Variants in FGF13 observed in about 807,000 individuals in gnomAD.
FGF13 encodes fibroblast growth factor 13.
In FGF13, 2 loss-of-function variants were observed where a neutral mutation model predicts 19.5. The ratio of observed to expected loss-of-function variants is 0.10; its 90% CI spans 0.04 to 0.32. The LOEUF is 0.32. Ranked by LOEUF, FGF13 falls within the 10% of genes least tolerant of loss-of-function variation. The pLI is 1.00. For missense variants in FGF13, 113 were observed against 192.7 expected, an observed-to-expected ratio of 0.59 and a Z score of 2.45; for synonymous variants, 72 against 76.9, an observed-to-expected ratio of 0.94 and a Z score of 0.33.
chrX:139,012,485 G>A (rs1009427854), intron 1 of FGF13, among the ~76,000 whole-genome samples: 1 of 111,414 alleles, frequency 9.0e-6, no homozygotes, highest in Non-Finnish European at 1.9e-5. Flanking sequence ...GCATGGCACT[G>A]GTATAAAAAT....
At chrX:138,998,042 G>A (rs921122374) in intron 1 of FGF13, among the ~76,000 whole-genome samples, 1 of 111,906 alleles carries the variant, frequency 8.9e-6, no homozygotes, top group African/African-American at 3.2e-5. Context: ...CATTCTTAAA[G>A]AAAAGAATTT....
At chrX:139,204,108 A>G (rs775000150), upstream of FGF13, 4 of 1,210,017 alleles carry the variant, frequency 3.3e-6, no homozygotes, top group Middle Eastern at 2.3e-4. Context: ...TTCCACTCAT[A>G]GATCCCAGCT....
In FGF13 at chrX:138,617,929, TG is replaced by T. The variant is rs891267246; in HGVS notation, c.*14920del. On this transcript the variant is annotated 3_prime_UTR_variant, in exon 5 of 5. Coordinates refer to ENST00000315930, the MANE Select transcript of FGF13 (RefSeq NM_004114.5). ...CTGTAATCCATCCTGGGTGACAGAG[TG>T]AGACCTCAACCCCAGAGAGAGAGAG... 22 of 110,105 alleles carry T rather than the reference TG, an allele frequency of 2.0e-4. No homozygotes were observed. Among genetic ancestry groups the T allele is most frequent in the African/African-American group, 6.9e-4 (21 of 30,230 alleles). 9.1% of individuals were successfully genotyped at this position (110,105 alleles called of 1,213,427 possible).
rs1330037999 is a variant in FGF13, at chrX:138,620,225, C to A, written c.*12625G>T. On this transcript the variant is annotated 3_prime_UTR_variant, in exon 5 of 5. Coordinates refer to ENST00000315930, the MANE Select transcript of FGF13 (RefSeq NM_004114.5). ...GCAAGCTATTGCAGGAACAGAAAACCAAACACTGCGTATTCTCACTTATAA... is the reference window on the plus strand; with the variant it reads ...GCAAGCTATTGCAGGAACAGAAAACAAAACACTGCGTATTCTCACTTATAA... 1 of 110,771 alleles carries A rather than the reference C, an allele frequency of 9.0e-6. No individual in the cohort carries two copies. The highest frequency in any genetic ancestry group is 3.3e-5 in the African/African-American group (1 of 30,418). 9.1% of individuals were successfully genotyped at this position (110,771 alleles called of 1,213,427 possible).
downstream of FGF13, among the ~76,000 whole-genome samples, chrX:138,857,020 A>G (rs867474320): frequency 8.9e-6 from 1 of 112,172 alleles, no homozygotes; most frequent in East Asian, 2.8e-4. Flanking sequence ...TGCATTATAC[A>G]GGTAATCTGG....
intron 1 of FGF13, among the ~76,000 whole-genome samples, chrX:139,045,112 G>A (rs1364562955): frequency 2.7e-5 from 3 of 112,376 alleles, no homozygotes; most frequent in African/African-American, 6.5e-5. Flanking sequence ...CTTCACTCTT[G>A]CATTCTGCAC....
intron 1 of FGF13, among the ~76,000 whole-genome samples, chrX:138,928,815 C>A (rs1015886983): frequency 9.0e-6 from 1 of 111,485 alleles, no homozygotes; most frequent in Non-Finnish European, 1.9e-5. Context: ...CTTCCCTTTT[C>A]CACACTTAAA....
At chrX:138,744,687 A>G (rs2090343061) in intron 3 of FGF13, among the ~76,000 whole-genome samples, 1 of 111,279 alleles carries the variant, frequency 9.0e-6, no homozygotes, top group Non-Finnish European at 1.9e-5. Flanking sequence ...ATGTATCAGG[A>G]CCTTTGTCAT....
At chrX:139,153,004 G>A (rs1176697612) in intron 1 of FGF13, among the ~76,000 whole-genome samples, 1 of 111,098 alleles carries the variant, frequency 9.0e-6, no homozygotes, top group African/African-American at 3.3e-5. Flanking sequence ...TAGGCAATTG[G>A]AGTCTAGCAC....
At chrX:138,641,298 C>T (rs977043554) in intron 3 of FGF13, among the ~76,000 whole-genome samples, 1 of 111,971 alleles carries the variant, frequency 8.9e-6, no homozygotes, top group Non-Finnish European at 1.9e-5. Context: ...TTTAACTAAT[C>T]TACCTTTTCC....
chrX:138,789,755 C>G (rs1228040610), intron 3 of FGF13, among the ~76,000 whole-genome samples: 1 of 109,493 alleles, frequency 9.1e-6, no homozygotes, highest in Non-Finnish European at 1.9e-5. Flanking sequence ...CCTTAAAAAA[C>G]AAACACACGG....
chrX:139,079,087 T>A (rs1268879705), intron 1 of FGF13, among the ~76,000 whole-genome samples: 1 of 112,395 alleles, frequency 8.9e-6, no homozygotes, highest in Non-Finnish European at 1.9e-5. Flanking sequence ...TCCATCCTCA[T>A]CAGCTCTGAC....
At chrX:139,194,780 GACTGCGAGGCCGCGGGCTGC>G (rs2148279883) in intron 1 of FGF13, among the ~76,000 whole-genome samples, 1 of 111,890 alleles carries the variant, frequency 8.9e-6, no homozygotes, top group Non-Finnish European at 1.9e-5. Flanking sequence ...CCGCGGTCTA[GACTGCGAGGCCGCGGGCTGC>G]ACCGGAGCGC....
At chrX:138,825,056 G>A (rs907566420) in intron 3 of FGF13, among the ~76,000 whole-genome samples, 1 of 111,685 alleles carries the variant, frequency 9.0e-6, no homozygotes, top group Non-Finnish European at 1.9e-5. Context: ...ATAAGGCTAC[G>A]GGATGTTTGG....
chrX:139,130,063 T>C (rs941598621), intron 1 of FGF13, among the ~76,000 whole-genome samples: 3 of 112,377 alleles, frequency 2.7e-5, no homozygotes, highest in Admixed American at 9.5e-5. Flanking sequence ...TGAACAAATA[T>C]GTGACAGAAG....
chrX:138,995,843 C>T (rs191441907), intron 1 of FGF13, among the ~76,000 whole-genome samples: 16 of 111,838 alleles, frequency 1.4e-4, no homozygotes, highest in African/African-American at 4.9e-4. Flanking sequence ...ATTGCTGGGT[C>T]GAATGGTAGT....
intron 1 of FGF13, among the ~76,000 whole-genome samples, chrX:139,079,014 T>C (rs1042708687): frequency 8.9e-6 from 1 of 112,590 alleles, no homozygotes; most frequent in African/African-American, 3.2e-5. Flanking sequence ...CAAAATGTAG[T>C]AGCTGAATTC....
At position 138,627,410 on chromosome X, in the gene FGF13, G is replaced by C. The variant is rs1022706904; in HGVS notation, c.*5440C>G. On this transcript the variant is annotated 3_prime_UTR_variant, in exon 5 of 5. Coordinates refer to ENST00000315930, the MANE Select transcript of FGF13 (RefSeq NM_004114.5). Reference sequence around the variant, plus strand: ...TATGTAGATATGCTAACATGTTGTAGGGCAAACCTGGGCAATACTATTTAG... The same window carrying C: ...TATGTAGATATGCTAACATGTTGTACGGCAAACCTGGGCAATACTATTTAG... 9.9e-5 allele frequency: 11 copies of C among 111,280 alleles called. No homozygotes were observed. The highest frequency in any genetic ancestry group is 3.6e-4 in the African/African-American group (11 of 30,566). 9.2% of individuals were successfully genotyped at this position (111,280 alleles called of 1,213,427 possible). A position where few individuals can be genotyped will look rare whatever the true frequency, so the allele number is the denominator to read the frequency against.
intron 3 of FGF13, among the ~76,000 whole-genome samples, chrX:138,699,956 T>C (rs776969968): frequency 1.8e-5 from 2 of 111,270 alleles, no homozygotes; most frequent in South Asian, 7.6e-4. Context: ...AGAGGCAAAA[T>C]TCCCCCTCTC....
Sources: allele counts gnomAD v4.1 joint callset (sites outside exome capture counted in the v4.1 genomes callset), GRCh38; gene constraint gnomAD v4.1.1; transcripts MANE v1.5; gene names NCBI Gene and HGNC (gene_info 2026-07-23, HGNC 2026-07-21).